NLGN1: variants seen among roughly 807,000 people sequenced by gnomAD.
NLGN1 encodes the protein neuroligin 1.
Under a neutral mutation model 65.5 loss-of-function variants are expected in NLGN1, and 12 were observed. The ratio of observed to expected loss-of-function variants is 0.18; its 90% CI spans 0.12 to 0.30. The LOEUF is 0.30. Among genes scored for constraint, NLGN1 ranks in the 10% least tolerant of loss-of-function variants. The pLI is 1.00. For missense variants in NLGN1, 750 were observed against 1,007.1 expected, an observed-to-expected ratio of 0.74 and a Z score of 3.46; for synonymous variants, 350 against 359.5, an observed-to-expected ratio of 0.97 and a Z score of 0.30.
chr3:173,635,658 G>T (rs1323780052), intron 3 of NLGN1, among the ~76,000 whole-genome samples: 1 of 152,000 alleles, frequency 6.6e-6, no homozygotes, highest in Non-Finnish European at 1.5e-5. Context: ...TTCTTTGTTT[G>T]GGTGCTTTCT....
intron 4 of NLGN1, among the ~76,000 whole-genome samples, chr3:174,039,384 G>A (rs537723927): frequency 9.7e-4 from 147 of 152,016 alleles, no homozygotes; most frequent in Non-Finnish European, 1.6e-3. Context: ...TTTAAGCCCG[G>A]CATGCATTAG....
intron 4 of NLGN1, among the ~76,000 whole-genome samples, chr3:173,848,751 AT>A (rs1443763899): frequency 1.3e-5 from 2 of 152,124 alleles, no homozygotes; most frequent in Non-Finnish European, 2.9e-5. Flanking sequence ...TTTTTCTTCT[AT>A]TTTTGATGAA....
rs1291778095 is a variant in NLGN1 at position 174,133,428 on chromosome 3, A to G, written c.647-141887A>G. On this transcript the variant is annotated intron_variant, in intron 4 of 6. Coordinates refer to ENST00000457714, the Ensembl canonical transcript of NLGN1. ...CCATTCCTCTTTTTCCCAACAGTGT[A>G]AGTCTGGAGTCTAAGAAATTCAGTA... Among the ~76,000 whole-genome samples the G allele has an allele frequency of 2.6e-5, 4 of 152,276 alleles. No homozygotes were observed. In the South Asian group the frequency reaches 8.3e-4, roughly 32 times the overall value.
chr3:174,261,713 C>T (rs1746949495), intron 4 of NLGN1, among the ~76,000 whole-genome samples: 1 of 140,644 alleles, frequency 7.1e-6, no homozygotes, highest in African/African-American at 2.7e-5. Flanking sequence ...CCAGAACTTC[C>T]AACACTATTG....
intron 4 of NLGN1, among the ~76,000 whole-genome samples, chr3:173,831,700 C>T (rs1460621387): frequency 6.6e-6 from 1 of 152,082 alleles, no homozygotes; most frequent in Admixed American, 6.6e-5. Flanking sequence ...CATTTTATGG[C>T]TGTCTGGCCC....
At chr3:174,008,597 C>T (rs1474833929) in intron 4 of NLGN1, among the ~76,000 whole-genome samples, 1 of 151,926 alleles carries the variant, frequency 6.6e-6, no homozygotes, top group Non-Finnish European at 1.5e-5. Context: ...AAGCCCCTTA[C>T]TGAAAGAGGA....
At chr3:174,041,798 A>G (rs970552685) in intron 4 of NLGN1, among the ~76,000 whole-genome samples, 25 of 152,180 alleles carry the variant, frequency 1.6e-4, no homozygotes, top group Admixed American at 1.6e-3. Context: ...GCCCATTTAA[A>G]AAATTGAATT....
chr3:173,828,753 T>C (rs1361313596), intron 4 of NLGN1, among the ~76,000 whole-genome samples: 1 of 152,022 alleles, frequency 6.6e-6, no homozygotes, highest in East Asian at 1.9e-4. Flanking sequence ...CATGTTGATA[T>C]CTGAGGGAAA....
chr3:174,147,042 TTCA>T (rs1157797691), intron 4 of NLGN1, among the ~76,000 whole-genome samples: 1 of 152,174 alleles, frequency 6.6e-6, no homozygotes, highest in Admixed American at 6.5e-5. Context: ...AAAACTTTTG[TTCA>T]AGATGGTTTA....
intron 4 of NLGN1, among the ~76,000 whole-genome samples, chr3:174,052,542 A>T (rs1735137159): frequency 6.6e-6 from 1 of 152,006 alleles, no homozygotes; most frequent in South Asian, 2.1e-4. Context: ...ATAACATTAT[A>T]CTTCAATGCA....
chr3:173,421,345 C>A (rs1422793218), intron 1 of NLGN1, among the ~76,000 whole-genome samples: 1 of 151,812 alleles, frequency 6.6e-6, no homozygotes, highest in African/African-American at 2.4e-5. Flanking sequence ...CGTTAGTGTA[C>A]ATTTTTTACA....
intron 3 of NLGN1, among the ~76,000 whole-genome samples, chr3:173,610,142 C>T (rs192146231): frequency 3.3e-5 from 5 of 151,886 alleles, no homozygotes; most frequent in Non-Finnish European, 7.4e-5. Flanking sequence ...GTAGTAACCA[C>T]GGAAGTGATA....
chr3:173,406,278 A>G (rs1177264365), intron 1 of NLGN1, among the ~76,000 whole-genome samples: 1 of 151,888 alleles, frequency 6.6e-6, no homozygotes, highest in Non-Finnish European at 1.5e-5. Flanking sequence ...TCCACCAAGA[A>G]CAAAGAAAAC....
chr3:173,893,387 T>C (rs145477257), intron 4 of NLGN1, among the ~76,000 whole-genome samples: 1 of 152,330 alleles, frequency 6.6e-6, no homozygotes, highest in East Asian at 1.9e-4. Context: ...TTTTGAAGTC[T>C]CAGTTTTTTC....
At chr3:173,457,704 C>CT (rs1313798013) in intron 2 of NLGN1, among the ~76,000 whole-genome samples, 1 of 151,864 alleles carries the variant, frequency 6.6e-6, no homozygotes, top group Non-Finnish European at 1.5e-5. Flanking sequence ...GTGGCTTGGC[C>CT]TAAAGTTGAG....
chr3:173,472,358 A>T (rs1725456164), intron 2 of NLGN1, among the ~76,000 whole-genome samples: 1 of 152,126 alleles, frequency 6.6e-6, no homozygotes, highest in African/African-American at 2.4e-5. Flanking sequence ...GTCTTTATGA[A>T]TGATTTCATT....
chr3:174,035,940 C>A (rs1459121272), intron 4 of NLGN1, among the ~76,000 whole-genome samples: 1 of 152,058 alleles, frequency 6.6e-6, no homozygotes, highest in Non-Finnish European at 1.5e-5. Context: ...CACGACCAAC[C>A]TTATACATTC....
intron 3 of NLGN1, among the ~76,000 whole-genome samples, chr3:173,713,425 T>C (rs1235126734): frequency 6.6e-6 from 1 of 152,114 alleles, no homozygotes; most frequent in Non-Finnish European, 1.5e-5. Flanking sequence ...GCTGATGAGT[T>C]AGTGTGATGT....
rs150048147 is a variant in NLGN1 at position 173,945,844 on chromosome 3, T to C, written c.646+138012T>C. 1.1e-3 allele frequency among the ~76,000 whole-genome samples: 164 copies of C among 152,324 alleles called. 1 individual carries two copies. Among genetic ancestry groups the C allele is most frequent in the African/African-American group, 3.7e-3 (155 of 41,576 alleles). ...CAAGCTGTCAATCTTCCACTCTATA[T>C]GTTGCATTTGTAAAGAAAGGACAAG... On this transcript the variant is annotated intron_variant, in intron 4 of 6. Coordinates refer to ENST00000457714, the Ensembl canonical transcript of NLGN1.
Sources: allele counts gnomAD v4.1 joint callset (sites outside exome capture counted in the v4.1 genomes callset), GRCh38; gene constraint gnomAD v4.1.1; transcripts MANE v1.5; gene names NCBI Gene and HGNC (gene_info 2026-07-23, HGNC 2026-07-21).